Variants in KCNH1 observed in about 807,000 individuals in gnomAD.
The protein encoded by KCNH1 is potassium voltage-gated channel subfamily H member 1.
KCNH1 carries 27 observed loss-of-function variants against 69.2 expected under a neutral mutation model. That is an observed-to-expected ratio of 0.39 (90% CI 0.29 to 0.54). The LOEUF is 0.54. KCNH1 is among the 20% of genes least tolerant of loss of function. The probability of loss-of-function intolerance (pLI) is 0.68; values close to 1 mark genes in which losing one functional copy is unlikely to be tolerated. For synonymous variants in KCNH1, 456 were observed against 487.7 expected, an observed-to-expected ratio of 0.93 and a Z score of 0.86; for missense variants, 798 against 1,261.6, an observed-to-expected ratio of 0.63 and a Z score of 5.57.
At chr1:210,920,131 C>A in intron 6 of KCNH1, 62 bp from the exon 7 acceptor site, 1 of 1,452,518 alleles carries the variant, frequency 6.9e-7, no homozygotes, top group South Asian at 1.2e-5. Flanking sequence ...TCGTCCCCTC[C>A]GCCCCACTTG....
intron 1 of KCNH1, among the ~76,000 whole-genome samples, chr1:211,131,392 C>G (rs899563670): frequency 6.6e-6 from 1 of 152,074 alleles, no homozygotes; most frequent in Non-Finnish European, 1.5e-5. Flanking sequence ...TAAGGAATAC[C>G]AGCCTCAGGC....
At chr1:210,886,332 A>T (rs148603129) in intron 7 of KCNH1, among the ~76,000 whole-genome samples, 21 of 152,318 alleles carry the variant, frequency 1.4e-4, no homozygotes, top group African/African-American at 5.1e-4. Context: ...ACTAACAAAC[A>T]GAAAGGAATG....
chr1:210,862,879 T>C (rs551885238), intron 7 of KCNH1, among the ~76,000 whole-genome samples: 2 of 152,282 alleles, frequency 1.3e-5, no homozygotes, highest in South Asian at 2.1e-4. Context: ...ATCTCAAAAA[T>C]GTACAAACCA....
intron 7 of KCNH1, among the ~76,000 whole-genome samples, chr1:210,843,341 C>T (rs1006189470): frequency 1.3e-5 from 2 of 152,112 alleles, no homozygotes; most frequent in Non-Finnish European, 2.9e-5. Context: ...AATAGCCCCC[C>T]TGGAATATCC....
chr1:210,775,085 GAA>G (rs1001640875), intron 10 of KCNH1, among the ~76,000 whole-genome samples: 53 of 151,586 alleles, frequency 3.5e-4, no homozygotes, highest in Admixed American at 3.1e-3. Context: ...ATTGATGGGG[GAA>G]AAAAAAGCCA....
intron 1 of KCNH1, among the ~76,000 whole-genome samples, chr1:211,110,822 C>T (rs1691447583): frequency 6.6e-6 from 1 of 152,016 alleles, no homozygotes; most frequent in Non-Finnish European, 1.5e-5. Flanking sequence ...TGAGCTAAAA[C>T]CTCAACTAAT....
intron 6 of KCNH1, among the ~76,000 whole-genome samples, chr1:210,955,334 G>A (rs560313046): frequency 8.5e-5 from 13 of 152,232 alleles, no homozygotes; most frequent in East Asian, 1.9e-4. Context: ...GTCAGGTAGC[G>A]TGATGCCTCC....
chr1:210,900,211 G>A (rs1352155113), intron 7 of KCNH1, among the ~76,000 whole-genome samples: 1 of 152,180 alleles, frequency 6.6e-6, no homozygotes, highest in Non-Finnish European at 1.5e-5. Context: ...AGCAATGCCT[G>A]GAAGGAAAGT....
chr1:210,753,626 T>C (rs1160008520), intron 10 of KCNH1, among the ~76,000 whole-genome samples: 1 of 152,184 alleles, frequency 6.6e-6, no homozygotes. Flanking sequence ...TAACTCATAG[T>C]AAACTCACTG....
intron 6 of KCNH1, among the ~76,000 whole-genome samples, chr1:210,982,247 T>A (rs7413627): frequency 4.3e-4 from 46 of 108,214 alleles, no homozygotes; most frequent in Admixed American, 1.5e-3. Context: ...TTATTATTAT[T>A]ATAAAGTTTT....
intron 6 of KCNH1, among the ~76,000 whole-genome samples, chr1:210,932,912 G>A (rs553212428): frequency 1.1e-3 from 161 of 152,150 alleles, no homozygotes; most frequent in African/African-American, 3.7e-3. Context: ...AATACTAGTT[G>A]GTGACTCCAA....
intron 10 of KCNH1, among the ~76,000 whole-genome samples, chr1:210,725,287 G>T (rs1682560471): frequency 2.0e-5 from 3 of 152,120 alleles, no homozygotes; most frequent in African/African-American, 4.8e-5. Context: ...GACACATTAG[G>T]CTCCATCTTA....
At position 210,767,871 on chromosome 1, in the gene KCNH1, G is replaced by A. The variant is rs1683669523; in HGVS notation, c.2112+7477C>T. 6.6e-5 allele frequency among the ~76,000 whole-genome samples: 10 copies of A among 152,280 alleles called. No homozygotes were observed. In the South Asian group the frequency reaches 2.1e-3, roughly 32 times the overall value. Reference sequence around the variant, plus strand: ...GTAACAGTACATCAAGTAACTTGATGACTATTAAAAGATAAGTTACAACTT... The same window carrying A: ...GTAACAGTACATCAAGTAACTTGATAACTATTAAAAGATAAGTTACAACTT... On this transcript the variant is annotated intron_variant, in intron 10 of 10. Coordinates refer to ENST00000271751, the MANE Select transcript of KCNH1 (RefSeq NM_172362.3).
chr1:211,042,786 G>T (rs1690021484), intron 5 of KCNH1, among the ~76,000 whole-genome samples: 1 of 151,956 alleles, frequency 6.6e-6, no homozygotes, highest in Non-Finnish European at 1.5e-5. Flanking sequence ...AGACCACAGT[G>T]GAATAAAACT....
At chr1:211,074,975 T>A (rs2102460740) in intron 5 of KCNH1, among the ~76,000 whole-genome samples, 1 of 152,310 alleles carries the variant, frequency 6.6e-6, no homozygotes, top group African/African-American at 2.4e-5. Context: ...GTTTCTCTGG[T>A]AGAACTCTGA....
chr1:211,107,447 A>G lies in KCNH1; in HGVS notation c.80-70T>C. The G allele has an allele frequency of 3.4e-6, 5 of 1,458,712 alleles. No individual in the cohort carries two copies. In the South Asian group the frequency reaches 4.9e-5, roughly 14 times the overall value. The allele number at this position is 1,458,712 out of a possible 1,614,324, so 90.4% of individuals were successfully genotyped here. ...ACATTAGTTGAGATTCAATGAGGAC[A>G]TAAATAATGTCAAGCAATCCAGATA... is the stretch of plus-strand genomic sequence containing the variant. On this transcript the variant is annotated intron_variant, in intron 1 of 10. Transcript: ENST00000271751.
At chr1:210,845,960 G>T (rs1373819402) in intron 7 of KCNH1, among the ~76,000 whole-genome samples, 1 of 152,190 alleles carries the variant, frequency 6.6e-6, no homozygotes, top group Non-Finnish European at 1.5e-5. Flanking sequence ...GCCAAATCAT[G>T]AGTGAACTCC....
intron 6 of KCNH1, among the ~76,000 whole-genome samples, chr1:210,995,291 C>T (rs1689008745): frequency 6.6e-6 from 1 of 152,140 alleles, no homozygotes; most frequent in Non-Finnish European, 1.5e-5. Flanking sequence ...AACTTGATGA[C>T]TAGAACTGGA....
At chr1:210,964,892 G>C (rs973902744) in intron 6 of KCNH1, among the ~76,000 whole-genome samples, 2 of 152,134 alleles carry the variant, frequency 1.3e-5, no homozygotes, top group African/African-American at 4.8e-5. Context: ...ACATCAAAAA[G>C]CTTCTCCACC....
Sources: gnomAD v4.1 joint callset for allele counts (sites outside exome capture counted in the v4.1 genomes callset) on GRCh38, gnomAD v4.1.1 for gene constraint, MANE v1.5 for transcripts, NCBI Gene and HGNC (gene_info 2026-07-23, HGNC 2026-07-21) for gene names.